Variants in RGS7BP observed in about 807,000 individuals in gnomAD.
RGS7BP encodes the protein regulator of G protein signaling 7-binding protein.
In RGS7BP, 9 loss-of-function variants were observed where a neutral mutation model predicts 31.3. That is an observed-to-expected ratio of 0.29 (90% CI 0.17 to 0.50). RGS7BP has a LOEUF of 0.50. RGS7BP is among the 20% of genes least tolerant of loss of function. The pLI is 0.98. For missense variants in RGS7BP, 274 were observed against 322.0 expected (o/e 0.85, Z 1.14); for synonymous variants, 115 against 120.1 (o/e 0.96, Z 0.28).
chr5:64,508,767 AG>A (rs1748759756), intron 2 of RGS7BP, among the ~76,000 whole-genome samples: 1 of 152,232 alleles, frequency 6.6e-6, no homozygotes, highest in Non-Finnish European at 1.5e-5. Context: ...GCTTTATCGC[AG>A]CAGAAGTTCA....
At chr5:64,574,890 T>C (rs1742380533) in intron 2 of RGS7BP, among the ~76,000 whole-genome samples, 1 of 152,238 alleles carries the variant, frequency 6.6e-6, no homozygotes, top group Admixed American at 6.5e-5. Context: ...GTTAACTCAT[T>C]AAGACATTTG....
chr5:64,524,649 C>T lies in RGS7BP; in HGVS notation c.332+16772C>T, dbSNP rs769740619. ...TTTGAGGACAATTGAATCCCTAACT[C>T]CTAAACTTTCATGTCCTTTAAAAAT... is the stretch of plus-strand genomic sequence containing the variant. On this transcript the variant is annotated intron_variant, in intron 2 of 5. Transcript: ENST00000334025. Among the ~76,000 whole-genome samples the T allele has an allele frequency of 2.6e-5, 4 of 152,088 alleles. No individual in the cohort carries two copies. In the East Asian group the frequency reaches 7.7e-4, roughly 29 times the overall value.
In RGS7BP at chr5:64,609,872, T is replaced by C. The variant is rs1420524330; in HGVS notation, c.*620T>C. ...TTTATAAAGCAACAAAAACCACATA[T>C]GAAAAGTACTAAAATTTTGTAAATA... On this transcript the variant is annotated 3_prime_UTR_variant, in exon 6 of 6. Coordinates refer to ENST00000334025, the MANE Select transcript of RGS7BP (RefSeq NM_001029875.3). The C allele has an allele frequency of 1.3e-5, 2 of 152,458 alleles. No individual in the cohort carries two copies. The highest frequency in any genetic ancestry group is 4.8e-5 in the African/African-American group (2 of 41,422). The allele number at this position is 152,458 out of a possible 1,614,324, so 9.4% of individuals were successfully genotyped here. A position where few individuals can be genotyped will look rare whatever the true frequency, so the allele number is the denominator to read the frequency against.
intron 1 of RGS7BP, 49 bp from the exon 2 acceptor site, chr5:64,507,662 T>G: frequency 2.0e-6 from 3 of 1,521,790 alleles, no homozygotes; most frequent in Non-Finnish European, 2.7e-6. Context: ...CAGGAAACTT[T>G]CTGATGAGAA....
intron 2 of RGS7BP, among the ~76,000 whole-genome samples, chr5:64,540,404 A>G (rs1172369249): frequency 2.0e-5 from 3 of 152,200 alleles, no homozygotes; most frequent in Non-Finnish European, 4.4e-5. Context: ...AACAAGCAGC[A>G]GTGAACTTCC....
chr5:64,600,756 G>C (rs1355250835), intron 5 of RGS7BP, among the ~76,000 whole-genome samples: 4 of 152,152 alleles, frequency 2.6e-5, no homozygotes, highest in Admixed American at 6.5e-5. Flanking sequence ...GGGAGAAATG[G>C]GAACCCTTAG....
At chr5:64,598,022 T>C (rs1201035033) in intron 4 of RGS7BP, among the ~76,000 whole-genome samples, 2 of 152,208 alleles carry the variant, frequency 1.3e-5, no homozygotes, top group African/African-American at 4.8e-5. Flanking sequence ...GCTCCAGTTG[T>C]ACTTCCTTGG....
intron 2 of RGS7BP, among the ~76,000 whole-genome samples, chr5:64,543,264 C>A (rs552518216): frequency 2.6e-5 from 4 of 152,338 alleles, no homozygotes; most frequent in African/African-American, 7.2e-5. Context: ...TCAGCCAAGA[C>A]AGAATCAAAA....
rs577374901 is a variant in RGS7BP at position 64,602,641 on chromosome 5, T to C, written c.682+4206T>C. On this transcript the variant is annotated intron_variant, in intron 5 of 5. Transcript: ENST00000334025. ...GAATCACCTAGGAAACTTTTCCAAA[T>C]GCCATATGCCTCCTCTCTCACAGAT... Among the ~76,000 whole-genome samples, 3 of 152,298 alleles carry C rather than the reference T, an allele frequency of 2.0e-5. No individual in the cohort carries two copies. In the East Asian group the frequency reaches 5.8e-4, roughly 29 times the overall value.
At chr5:64,548,851 C>CTTT (rs555751491) in intron 2 of RGS7BP, among the ~76,000 whole-genome samples, 2 of 137,492 alleles carry the variant, frequency 1.5e-5, no homozygotes, top group Non-Finnish European at 1.6e-5. Flanking sequence ...AAGCCCTTTC[C>CTTT]TTTTTTTTTT....
At chr5:64,571,938 A>C (rs1408673050) in intron 2 of RGS7BP, among the ~76,000 whole-genome samples, 1 of 152,152 alleles carries the variant, frequency 6.6e-6, no homozygotes, top group Non-Finnish European at 1.5e-5. Context: ...AAAATGGTTA[A>C]GCTCTTGACT....
At chr5:64,608,665 T>C (rs1284000350) in intron 5 of RGS7BP, among the ~76,000 whole-genome samples, 4 of 152,110 alleles carry the variant, frequency 2.6e-5, no homozygotes, top group African/African-American at 9.7e-5. Context: ...CTAAGTTTTA[T>C]TAAACTCTAT....
At chr5:64,557,802 T>C (rs183566840) in intron 2 of RGS7BP, among the ~76,000 whole-genome samples, 96 of 152,288 alleles carry the variant, frequency 6.3e-4, no homozygotes, top group African/African-American at 2.1e-3. Flanking sequence ...TTGTTAACTC[T>C]TATGCTAATT....
intron 2 of RGS7BP, among the ~76,000 whole-genome samples, chr5:64,510,798 T>C (rs1748812477): frequency 6.6e-6 from 1 of 152,234 alleles, no homozygotes. Context: ...TAGCTTTTAA[T>C]GAAGGGGTAT....
intron 2 of RGS7BP, among the ~76,000 whole-genome samples, chr5:64,542,203 T>C (rs1243544341): frequency 2.0e-5 from 3 of 152,242 alleles, no homozygotes; most frequent in Non-Finnish European, 4.4e-5. Context: ...CAGACTTTAC[T>C]AATGATACAA....
At chr5:64,532,592 A>T (rs967216592) in intron 2 of RGS7BP, among the ~76,000 whole-genome samples, 1 of 152,214 alleles carries the variant, frequency 6.6e-6, no homozygotes, top group Non-Finnish European at 1.5e-5. Flanking sequence ...AAGAATGATG[A>T]TCTAGTTTTC....
chr5:64,598,272 C>A, intron 4 of RGS7BP, 93 bp from the exon 5 acceptor site: 2 of 761,208 alleles, frequency 2.6e-6, no homozygotes, highest in South Asian at 1.5e-5. Context: ...AGACACAGAC[C>A]CTCATCTTTC....
At chr5:64,542,859 C>G (rs1477826426) in intron 2 of RGS7BP, among the ~76,000 whole-genome samples, 2 of 152,206 alleles carry the variant, frequency 1.3e-5, no homozygotes, top group Non-Finnish European at 2.9e-5. Flanking sequence ...TGATGCTTGT[C>G]TCTTTTATAT....
intron 2 of RGS7BP, among the ~76,000 whole-genome samples, chr5:64,511,608 CT>C (rs1748837263): frequency 6.6e-6 from 1 of 152,122 alleles, no homozygotes; most frequent in African/African-American, 2.4e-5. Flanking sequence ...CAGGTCCTGC[CT>C]TTTGGACTTC....
Sources: allele counts gnomAD v4.1 joint callset (sites outside exome capture counted in the v4.1 genomes callset), GRCh38; gene constraint gnomAD v4.1.1; transcripts MANE v1.5; gene names NCBI Gene and HGNC (gene_info 2026-07-23, HGNC 2026-07-21).